ZNF385B: variants seen among roughly 807,000 people sequenced by gnomAD.
The protein encoded by ZNF385B is zinc finger protein 385B, also known as zinc finger protein 533.
ZNF385B carries 23 observed loss-of-function variants against 39.2 expected under a neutral mutation model. The observed-to-expected ratio is 0.59, with a 90% CI of 0.42 to 0.83. The LOEUF is 0.83. Ranked by LOEUF, ZNF385B falls within the 40% of genes least tolerant of loss-of-function variation. ZNF385B has a pLI of 0.00. For synonymous variants in ZNF385B, 205 were observed against 222.6 expected, an observed-to-expected ratio of 0.92 and a Z score of 0.70; for missense variants, 552 against 598.9, an observed-to-expected ratio of 0.92 and a Z score of 0.82.
At chr2:179,805,423 A>C (rs1383460355) in intron 1 of ZNF385B, among the ~76,000 whole-genome samples, 2 of 152,264 alleles carry the variant, frequency 1.3e-5, no homozygotes, top group African/African-American at 4.8e-5. Flanking sequence ...TGTTATAGCA[A>C]GATGAAACCA....
At chr2:179,656,848 G>T (rs1693824932) in intron 3 of ZNF385B, among the ~76,000 whole-genome samples, 1 of 152,122 alleles carries the variant, frequency 6.6e-6, no homozygotes, top group African/African-American at 2.4e-5. Context: ...TGGGAGCAAT[G>T]AATATGTATG....
intron 1 of ZNF385B, among the ~76,000 whole-genome samples, chr2:179,838,737 A>G (rs781351184): frequency 4.6e-5 from 7 of 152,150 alleles, no homozygotes; most frequent in South Asian, 2.1e-4. Flanking sequence ...TGATATCTCC[A>G]GTCTGTCATA....
At chr2:179,457,055 A>G (rs558801432) in intron 6 of ZNF385B, among the ~76,000 whole-genome samples, 1 of 152,186 alleles carries the variant, frequency 6.6e-6, no homozygotes, top group African/African-American at 2.4e-5. Context: ...ACCAGTTGAG[A>G]TTTCCCCCAA....
intron 4 of ZNF385B, among the ~76,000 whole-genome samples, chr2:179,527,932 G>A (rs1031694560): frequency 6.1e-5 from 9 of 148,464 alleles, no homozygotes; most frequent in Admixed American, 6.0e-4. Context: ...GTTGTAAGTA[G>A]CATTGAAAAA....
In ZNF385B at chr2:179,638,158, T is replaced by C. The variant is rs1020698053; in HGVS notation, c.299-93189A>G. On this transcript the variant is annotated intron_variant, in intron 3 of 9. Transcript: ENST00000410066. ...GGTCTTCTGTACAACATTGTACCTATAGTTACAATACTATATTGTGCACTT... is the reference window on the plus strand; with the variant it reads ...GGTCTTCTGTACAACATTGTACCTACAGTTACAATACTATATTGTGCACTT... Among the ~76,000 whole-genome samples, 5 of 152,358 alleles carry C rather than the reference T, an allele frequency of 3.3e-5. No individual in the cohort carries two copies. The East Asian group carries it at 7.7e-4, about 24-fold the overall frequency.
chr2:179,750,322 T>C (rs1342674040), intron 3 of ZNF385B, among the ~76,000 whole-genome samples: 1 of 152,130 alleles, frequency 6.6e-6, no homozygotes, highest in Non-Finnish European at 1.5e-5. Context: ...CAATTAAATT[T>C]ATCTGGGGAG....
At chr2:179,508,753 T>C (rs942241876) in intron 5 of ZNF385B, among the ~76,000 whole-genome samples, 1 of 152,208 alleles carries the variant, frequency 6.6e-6, no homozygotes, top group African/African-American at 2.4e-5. Flanking sequence ...ATATTTTCTT[T>C]TTTTCATAAC....
At chr2:179,628,335 ATTT>A (rs1472744825) in intron 3 of ZNF385B, among the ~76,000 whole-genome samples, 1 of 152,050 alleles carries the variant, frequency 6.6e-6, no homozygotes, top group East Asian at 1.9e-4. Context: ...CTGTTAATTA[ATTT>A]TTTGATAGTC....
chr2:179,511,312 T>A (rs1244898288), intron 5 of ZNF385B, among the ~76,000 whole-genome samples: 1 of 152,182 alleles, frequency 6.6e-6, no homozygotes, highest in African/African-American at 2.4e-5. Flanking sequence ...GAGACAGCAC[T>A]AAGGCCTTCT....
At chr2:179,691,692 G>T (rs73973678) in intron 3 of ZNF385B, among the ~76,000 whole-genome samples, 288 of 152,190 alleles carry the variant, frequency 1.9e-3, no homozygotes, top group African/African-American at 6.5e-3. Context: ...AACTAAATGT[G>T]AATTTCAGAG....
intron 3 of ZNF385B, among the ~76,000 whole-genome samples, chr2:179,753,144 C>T (rs538141921): frequency 2.0e-5 from 3 of 152,270 alleles, no homozygotes; most frequent in African/African-American, 7.2e-5. Flanking sequence ...TTTCAGCTTT[C>T]TACATATGGT....
At chr2:179,711,206 C>G (rs1699973377) in intron 3 of ZNF385B, among the ~76,000 whole-genome samples, 1 of 152,198 alleles carries the variant, frequency 6.6e-6, no homozygotes, top group African/African-American at 2.4e-5. Context: ...CGCAATGTAA[C>G]CCAAGCCATG....
At chr2:179,775,930 T>C (rs1011722899) in intron 1 of ZNF385B, among the ~76,000 whole-genome samples, 8 of 152,212 alleles carry the variant, frequency 5.3e-5, no homozygotes, top group African/African-American at 1.9e-4. Flanking sequence ...TTAAATTGTA[T>C]CGTCCCTGAA....
At chr2:179,559,284 T>C (rs1047741230) in intron 3 of ZNF385B, among the ~76,000 whole-genome samples, 34 of 152,042 alleles carry the variant, frequency 2.2e-4, no homozygotes, top group African/African-American at 8.2e-4. Context: ...CTGAGAAACA[T>C]GGAGTGTTCT....
At chr2:179,814,671 A>G (rs1706950872) in intron 1 of ZNF385B, 1 of 384,236 alleles carries the variant, frequency 2.6e-6, no homozygotes, top group Admixed American at 3.3e-5. Flanking sequence ...AAGTCCAGAT[A>G]CTGAAGCGCC....
At chr2:179,494,862 T>A (rs2056028246) in intron 5 of ZNF385B, among the ~76,000 whole-genome samples, 1 of 152,238 alleles carries the variant, frequency 6.6e-6, no homozygotes, top group Non-Finnish European at 1.5e-5. Context: ...CAATAGGTTT[T>A]AAAGATATTT....
chr2:179,839,681 T>C (rs1006057347), intron 1 of ZNF385B, among the ~76,000 whole-genome samples: 2 of 152,140 alleles, frequency 1.3e-5, no homozygotes, highest in Non-Finnish European at 2.9e-5. Flanking sequence ...AAGAACTATT[T>C]ACAAGCACAC....
intron 3 of ZNF385B, among the ~76,000 whole-genome samples, chr2:179,699,745 A>C (rs964035839): frequency 2.0e-5 from 3 of 152,216 alleles, no homozygotes; most frequent in Admixed American, 2.0e-4. Flanking sequence ...GAGTTCATCT[A>C]TACTTCCATA....
intron 7 of ZNF385B, 85 bp downstream of exon 7, chr2:179,446,440 C>G: frequency 1.3e-6 from 2 of 1,518,212 alleles, no homozygotes; most frequent in Non-Finnish European, 8.8e-7. Context: ...AACCTAAGGT[C>G]TGAACAACAA....
Sources: gnomAD v4.1 joint callset for allele counts (sites outside exome capture counted in the v4.1 genomes callset) on GRCh38, gnomAD v4.1.1 for gene constraint, MANE v1.5 for transcripts, NCBI Gene and HGNC (gene_info 2026-07-23, HGNC 2026-07-21) for gene names.